Variants in SCYL2 observed in about 807,000 individuals in gnomAD.
SCYL2 encodes the protein SCY1-like protein 2.
SCYL2 carries 36 observed loss-of-function variants against 100.4 expected under a neutral mutation model. That is an observed-to-expected ratio of 0.36 (90% CI 0.27 to 0.47). The LOEUF is 0.47. Ranked by LOEUF, SCYL2 falls within the 20% of genes least tolerant of loss-of-function variation. SCYL2 has a pLI of 1.00. For synonymous variants in SCYL2, 330 were observed against 359.2 expected, an observed-to-expected ratio of 0.92 and a Z score of 0.92; for missense variants, 902 against 1,083.9, an observed-to-expected ratio of 0.83 and a Z score of 2.36.
At chr12:100,287,087 T>C (rs1384247907) in intron 2 of SCYL2, among the ~76,000 whole-genome samples, 1 of 152,190 alleles carries the variant, frequency 6.6e-6, no homozygotes, top group Non-Finnish European at 1.5e-5. Flanking sequence ...AATAGAGATC[T>C]CAGGGAACAT....
At chr12:100,298,201 A>G (rs775502245) in intron 4 of SCYL2, 26 bp downstream of exon 4, 1 of 1,464,272 alleles carries the variant, frequency 6.8e-7, no homozygotes, top group African/African-American at 1.5e-5. Context: ...CATCATGTAA[A>G]AAAGAGTTGT....
intron 3 of SCYL2, chr12:100,296,654 G>C (rs925625597): frequency 5.9e-5 from 9 of 151,860 alleles, no homozygotes; most frequent in Non-Finnish European, 1.3e-4. Flanking sequence ...GTAACATTCA[G>C]TAATTTTAGT....
chr12:100,281,949 G>A (rs1224283540), intron 1 of SCYL2, among the ~76,000 whole-genome samples: 1 of 152,230 alleles, frequency 6.6e-6, no homozygotes, highest in East Asian at 1.9e-4. Context: ...CCTGTGAAAA[G>A]GGGTGGAAAA....
At chr12:100,293,450 T>C (rs1399148991) in intron 3 of SCYL2, among the ~76,000 whole-genome samples, 2 of 152,222 alleles carry the variant, frequency 1.3e-5, no homozygotes, top group Non-Finnish European at 2.9e-5. Flanking sequence ...TGGAGTGTTT[T>C]CTATCAGCGT....
In SCYL2 at chr12:100,283,069, T is replaced by G. The variant is rs773806099; in HGVS notation, c.99T>G (p.Asp33Glu). ...GAAATCCTGTCACTAGAGAATTTGA[T>G]GTTGGTCGACACATTGCCAGTGGTG... ...VMGNPVTREF[D>E]VGRHIASGGN... Residue 33 changes from aspartate (D) to glutamate (E), a missense_variant, in exon 2 of 18, where the codon GAT (aspartate) becomes GAG (glutamate). Transcript: ENST00000360820. 2 of 1,613,380 alleles carry G rather than the reference T, an allele frequency of 1.2e-6. No individual in the cohort carries two copies. Among genetic ancestry groups the G allele is most frequent in the African/African-American group, 2.7e-5 (2 of 74,898 alleles).
intron 1 of SCYL2, among the ~76,000 whole-genome samples, chr12:100,281,122 G>A (rs549356801): frequency 3.7e-5 from 5 of 136,408 alleles, no homozygotes; most frequent in African/African-American, 8.1e-5. Flanking sequence ...TCCCTCTCCC[G>A]GGCTCAAACG....
intron 3 of SCYL2, chr12:100,296,683 C>CA (rs950833100): frequency 9.1e-4 from 128 of 140,402 alleles, no homozygotes; most frequent in African/African-American, 1.4e-3. Context: ...AGTTTGGAAG[C>CA]AAAAAAAAAT....
chr12:100,278,821 G>A (rs1012768780), intron 1 of SCYL2, among the ~76,000 whole-genome samples: 1 of 151,748 alleles, frequency 6.6e-6, no homozygotes, highest in African/African-American at 2.4e-5. Flanking sequence ...GTAGAGATGG[G>A]GTTTCTCCAT....
intron 2 of SCYL2, among the ~76,000 whole-genome samples, chr12:100,283,838 G>A (rs2096301570): frequency 1.3e-5 from 2 of 152,148 alleles, no homozygotes. Flanking sequence ...ATGATAAATT[G>A]CTGGTATGTC....
At chr12:100,289,940 GTGTGTCATTGATCATATGTA>G (rs1195500089) in intron 2 of SCYL2, among the ~76,000 whole-genome samples, 2 of 152,196 alleles carry the variant, frequency 1.3e-5, no homozygotes, top group Non-Finnish European at 2.9e-5. Flanking sequence ...GGTCTTGAAT[GTGTGTCATTGATCATATGTA>G]TGTGTCATTG....
intron 2 of SCYL2, among the ~76,000 whole-genome samples, chr12:100,284,868 A>G (rs1458120353): frequency 6.6e-6 from 1 of 152,132 alleles, no homozygotes; most frequent in Non-Finnish European, 1.5e-5. Context: ...GGTAATATTT[A>G]GAGAATAAAA....
intron 2 of SCYL2, 80 bp downstream of exon 2, chr12:100,283,227 A>C (rs773727342): frequency 2.4e-6 from 3 of 1,267,968 alleles, no homozygotes; most frequent in Non-Finnish European, 3.3e-6. Flanking sequence ...TTTTATGTTA[A>C]GAAATGCCAA....
intron 4 of SCYL2, among the ~76,000 whole-genome samples, chr12:100,309,023 A>T (rs1271187946): frequency 6.6e-6 from 1 of 152,134 alleles, no homozygotes; most frequent in Non-Finnish European, 1.5e-5. Context: ...GCCATGAAAG[A>T]GCACTTCTTC....
chr12:100,318,321 TTTTC>T (rs1219745177), intron 10 of SCYL2, among the ~76,000 whole-genome samples: 3 of 150,520 alleles, frequency 2.0e-5, no homozygotes, highest in Non-Finnish European at 2.9e-5. Context: ...TGCCTTTTTC[TTTTC>T]TTTCTTTTTT....
intron 4 of SCYL2, among the ~76,000 whole-genome samples, chr12:100,299,015 A>C (rs915332614): frequency 6.6e-6 from 1 of 152,144 alleles, no homozygotes; most frequent in Non-Finnish European, 1.5e-5. Flanking sequence ...GGATCACTTG[A>C]GCTCAGGAGT....
chr12:100,300,368 G>A (rs1451525731), intron 4 of SCYL2, among the ~76,000 whole-genome samples: 1 of 151,910 alleles, frequency 6.6e-6, no homozygotes, highest in Non-Finnish European at 1.5e-5. Flanking sequence ...TTTAATTTTT[G>A]TGGGTACATA....
chr12:100,315,195 A>G (rs183232570), intron 8 of SCYL2, among the ~76,000 whole-genome samples: 53 of 152,322 alleles, frequency 3.5e-4, no homozygotes, highest in Non-Finnish European at 6.3e-4. Flanking sequence ...AAGTGTAGCT[A>G]GGGTTAACGT....
In SCYL2 at chr12:100,338,644, T is replaced by A. The variant is rs750772444; in HGVS notation, c.2262T>A (p.Ile754=). Reference sequence around the variant, plus strand: ...TCACTTCTGTTCCTTCCATGGGCATTGGTATGATGTTTTCTACACCAACTG... The same window carrying A: ...TCACTTCTGTTCCTTCCATGGGCATAGGTATGATGTTTTCTACACCAACTG... The part of the protein sequence containing the change: ...STFTSVPSMG[I]GMMFSTPTDN... The change falls in exon 18 of 18, where the codon ATT becomes ATA. Residue 754 remains isoleucine (I), a synonymous_variant. Transcript: ENST00000360820. The A allele has an allele frequency of 6.2e-7, 1 of 1,613,848 alleles. No individual in the cohort carries two copies. The highest frequency in any genetic ancestry group is 1.3e-5 in the African/African-American group (1 of 74,916).
intron 4 of SCYL2, among the ~76,000 whole-genome samples, chr12:100,306,768 C>T (rs2096334924): frequency 6.6e-6 from 1 of 152,200 alleles, no homozygotes; most frequent in Non-Finnish European, 1.5e-5. Flanking sequence ...AGCTCAAAAT[C>T]TCCTTATGCT....
Sources: allele counts gnomAD v4.1 joint callset (sites outside exome capture counted in the v4.1 genomes callset), GRCh38; gene constraint gnomAD v4.1.1; transcripts MANE v1.5; gene names NCBI Gene and HGNC (gene_info 2026-07-23, HGNC 2026-07-21).